The following ITGAV variants were observed in gnomAD, a reference collection of about 807,000 sequenced individuals.
The protein encoded by ITGAV is integrin subunit alpha V, also known as integrin alpha-V.
Under a neutral mutation model 143.8 loss-of-function variants are expected in ITGAV, and 76 were observed. The observed-to-expected ratio is 0.53, with a 90% CI of 0.44 to 0.64. The LOEUF is 0.64. Among genes scored for constraint, ITGAV ranks in the 30% least tolerant of loss-of-function variants. ITGAV has a pLI of 0.00. For missense variants in ITGAV, 1,193 were observed against 1,274.7 expected, an observed-to-expected ratio of 0.94 and a Z score of 0.98; for synonymous variants, 453 against 446.7, an observed-to-expected ratio of 1.01 and a Z score of -0.18.
In ITGAV at chr2:186,633,459, A is replaced by G. The variant is rs186341613; in HGVS notation, c.631+85A>G. 87 of 690,692 alleles carry G rather than the reference A, an allele frequency of 1.3e-4. No individual in the cohort carries two copies. The African/African-American group carries it at 1.4e-3, about 11-fold the overall frequency. 42.8% of individuals were successfully genotyped at this position (690,692 alleles called of 1,614,324 possible). ...ATTGTATGCCTATGACATTTTACAA[A>G]TTATTTTAAAGAAAGAAATGGAAAT... On this transcript the variant is annotated intron_variant, in intron 6 of 29. Transcript: ENST00000261023.
intron 12 of ITGAV, among the ~76,000 whole-genome samples, chr2:186,644,553 T>C (rs1283509953): frequency 6.6e-6 from 1 of 151,258 alleles, no homozygotes; most frequent in East Asian, 2.0e-4. Context: ...CTCAATCTCT[T>C]GACCTCGTGA....
intron 16 of ITGAV, among the ~76,000 whole-genome samples, chr2:186,655,461 C>T (rs1688556016): frequency 6.6e-6 from 1 of 152,082 alleles, no homozygotes; most frequent in Non-Finnish European, 1.5e-5. Context: ...TTTCAGCAGG[C>T]CTGAAGCGGA....
chr2:186,649,962 G>A (rs1009334458), intron 14 of ITGAV, 77 bp downstream of exon 14: 1 of 944,874 alleles, frequency 1.1e-6, no homozygotes, highest in African/African-American at 1.7e-5. Flanking sequence ...GTCAGTGTTT[G>A]AATTTTAGTT....
At chr2:186,637,657 A>G (rs1687985527) in intron 8 of ITGAV, among the ~76,000 whole-genome samples, 1 of 152,202 alleles carries the variant, frequency 6.6e-6, no homozygotes, top group African/African-American at 2.4e-5. Flanking sequence ...ACTTGGCTTC[A>G]GTGCCTTTCC....
chr2:186,640,818 A>AAAAAAAAT (rs1326407853), intron 10 of ITGAV, 97 bp from the exon 11 acceptor site: 1 of 928,066 alleles, frequency 1.1e-6, no homozygotes, highest in Non-Finnish European at 1.6e-6. Context: ...ATATGCAGAG[A>AAAAAAAAT]AAAAAAATAA....
chr2:186,595,510 T>C (rs1041435147), intron 1 of ITGAV, among the ~76,000 whole-genome samples: 2 of 152,146 alleles, frequency 1.3e-5, no homozygotes, highest in Non-Finnish European at 2.9e-5. Context: ...CTTTTTTCTT[T>C]TTCTGTCTCT....
intron 1 of ITGAV, among the ~76,000 whole-genome samples, chr2:186,601,378 T>A (rs1194195619): frequency 6.6e-6 from 1 of 151,958 alleles, no homozygotes; most frequent in African/African-American, 2.4e-5. Flanking sequence ...GGAGGATCGC[T>A]TGAGCCAGGA....
intron 2 of ITGAV, among the ~76,000 whole-genome samples, chr2:186,604,420 C>G (rs958035803): frequency 3.4e-4 from 51 of 152,178 alleles, no homozygotes; most frequent in African/African-American, 1.2e-3. Flanking sequence ...CTAGTGGATA[C>G]TTTGGTTATT....
chr2:186,652,130 T>A (rs1316855441), intron 15 of ITGAV, 41 bp downstream of exon 15: 2 of 1,206,696 alleles, frequency 1.7e-6, no homozygotes. Flanking sequence ...TTGTGATTAT[T>A]GTTCAGGCAT....
Position 186,590,376 on chromosome 2 carries a change from C to T in ITGAV, c.38C>T (p.Pro13Leu), listed in dbSNP as rs1314303106. ...CCGCGGCGACGGCTGCGCCTCGGTCCCCGCGGCCTCCCGCTTCTTCTCTCG... is the reference window on the plus strand; with the variant it reads ...CCGCGGCGACGGCTGCGCCTCGGTCTCCGCGGCCTCCCGCTTCTTCTCTCG... ...FPPRRRLRLG[P>L]RGLPLLLSGL... The change falls in exon 1 of 30, where the codon CCC becomes CTC. Residue 13 changes from proline to leucine, a missense_variant. Transcript: ENST00000261023. The T allele has an allele frequency of 1.9e-6, 3 of 1,596,940 alleles. No homozygotes were observed. Among genetic ancestry groups the T allele is most frequent in the Non-Finnish European group, 2.6e-6 (3 of 1,173,278 alleles).
intron 12 of ITGAV, among the ~76,000 whole-genome samples, chr2:186,643,800 A>G (rs1247470980): frequency 6.6e-6 from 1 of 152,250 alleles, no homozygotes; most frequent in Non-Finnish European, 1.5e-5. Flanking sequence ...AGGATTTTCC[A>G]GACTCGACAG....
intron 12 of ITGAV, 88 bp downstream of exon 12, chr2:186,641,676 G>A (rs1353071179): frequency 1.1e-5 from 11 of 1,010,108 alleles, no homozygotes; most frequent in African/African-American, 3.2e-5. Context: ...AAGTCTACAC[G>A]AGCAAATCTC....
chr2:186,622,524 G>A, intron 3 of ITGAV, 94 bp downstream of exon 3: 1 of 817,766 alleles, frequency 1.2e-6, no homozygotes, highest in Admixed American at 1.8e-5. Context: ...GTAAAATTCA[G>A]TATGCTCAAG....
At chr2:186,628,894 G>A (rs1041455343) in intron 4 of ITGAV, among the ~76,000 whole-genome samples, 2 of 151,946 alleles carry the variant, frequency 1.3e-5, no homozygotes, top group Non-Finnish European at 2.9e-5. Context: ...CTGGGTTCAG[G>A]TCCTACTCTC....
intron 18 of ITGAV, among the ~76,000 whole-genome samples, chr2:186,660,817 G>C (rs61763067): frequency 1.8e-3 from 271 of 152,266 alleles, no homozygotes; most frequent in African/African-American, 5.8e-3. Context: ...TCCAGAGTCA[G>C]CAGGGCTAAT....
At position 186,668,203 on chromosome 2, in the gene ITGAV, TATATATA is replaced by T. The variant is rs1353755636; in HGVS notation, c.2433+428_2433+434del. Among the ~76,000 whole-genome samples the T allele has an allele frequency of 5.6e-3, 111 of 19,856 alleles. 3 individuals carry two copies. Among genetic ancestry groups the T allele is most frequent in the Non-Finnish European group, 0.01 (83 of 8,250 alleles). The allele number at this position is 19,856 out of a possible 152,430, so 13.0% of individuals were successfully genotyped here. A position where few individuals can be genotyped will look rare whatever the true frequency, so the allele number is the denominator to read the frequency against. Reference sequence around the variant, plus strand: ...ATACATACATATATATATATATATATATATATATATATATTTTTTTTTTTTTTTTTTT... The same window carrying T: ...ATACATACATATATATATATATATATTATATATTTTTTTTTTTTTTTTTTT... On this transcript the variant is annotated intron_variant, in intron 24 of 29. Transcript: ENST00000261023.
In ITGAV at chr2:186,678,376, T is replaced by G. The variant is rs894144136; in HGVS notation, c.*1084T>G. On this transcript the variant is annotated 3_prime_UTR_variant, in exon 30 of 30. Transcript: ENST00000261023. ...GGAACCTGGACCCCTTACCCCAACT[T>G]TATGAGTAATGCTTGGAATAAAAAC... The G allele has an allele frequency of 1.3e-5, 2 of 159,786 alleles. No individual in the cohort carries two copies. The highest frequency in any genetic ancestry group is 4.8e-5 in the African/African-American group (2 of 41,622). 9.9% of individuals were successfully genotyped at this position (159,786 alleles called of 1,614,324 possible).
intron 2 of ITGAV, among the ~76,000 whole-genome samples, chr2:186,609,804 ATG>A (rs1553499323): frequency 3.3e-5 from 5 of 150,710 alleles, no homozygotes; most frequent in Non-Finnish European, 7.4e-5. Context: ...ATATATATAT[ATG>A]TATGTGGGCA....
intron 2 of ITGAV, among the ~76,000 whole-genome samples, chr2:186,610,615 A>C (rs924317638): frequency 6.6e-6 from 1 of 152,208 alleles, no homozygotes; most frequent in African/African-American, 2.4e-5. Flanking sequence ...ATTTTAAGCA[A>C]GGTCTGCATA....
Sources: allele counts gnomAD v4.1 joint callset (sites outside exome capture counted in the v4.1 genomes callset), GRCh38; gene constraint gnomAD v4.1.1; transcripts MANE v1.5; gene names NCBI Gene and HGNC (gene_info 2026-07-23, HGNC 2026-07-21).